The following SMYD3 variants were observed in gnomAD, a reference collection of about 807,000 sequenced individuals.
The protein encoded by SMYD3 is SET and MYND domain containing 3.
A neutral mutation model predicts 57.7 loss-of-function variants in SMYD3; 36 were observed. The ratio of observed to expected loss-of-function variants is 0.62; its 90% CI spans 0.48 to 0.82. The LOEUF (loss-of-function observed/expected upper bound fraction) is 0.82, where lower values mean the gene tolerates loss of function less well. SMYD3 is among the 40% of genes least tolerant of loss of function. The pLI, the probability that SMYD3 is intolerant of heterozygous loss-of-function variation, is 0.00. For missense variants in SMYD3, 515 were observed against 538.8 expected, an observed-to-expected ratio of 0.96 and a Z score of 0.44; for synonymous variants, 211 against 195.0, an observed-to-expected ratio of 1.08 and a Z score of -0.68.
chr1:246,289,736 A>G (rs2064648810), intron 5 of SMYD3, among the ~76,000 whole-genome samples: 1 of 152,174 alleles, frequency 6.6e-6, no homozygotes, highest in South Asian at 2.1e-4. Context: ...GCTAGTGGCT[A>G]GAGGAGATTT....
At chr1:246,442,550 A>G (rs1323899102) in intron 1 of SMYD3, among the ~76,000 whole-genome samples, 1 of 151,756 alleles carries the variant, frequency 6.6e-6, no homozygotes, top group East Asian at 1.9e-4. Flanking sequence ...CCCCTTCTCA[A>G]AAAAAAATAA....
intron 10 of SMYD3, among the ~76,000 whole-genome samples, chr1:245,782,812 G>C (rs978311673): frequency 6.6e-6 from 1 of 152,196 alleles, no homozygotes; most frequent in African/African-American, 2.4e-5. Flanking sequence ...AGTCTAGAAA[G>C]AGACTACCTA....
chr1:246,326,608 A>G (rs2065357007), intron 5 of SMYD3, among the ~76,000 whole-genome samples: 2 of 32,472 alleles, frequency 6.2e-5, no homozygotes, highest in African/African-American at 1.6e-4. Flanking sequence ...AAAAAAAAAA[A>G]CAAAATTTAG....
chr1:245,917,795 G>T (rs941534465), intron 7 of SMYD3, among the ~76,000 whole-genome samples: 2 of 152,158 alleles, frequency 1.3e-5, no homozygotes, highest in Admixed American at 6.5e-5. Flanking sequence ...ATGTGTGGTG[G>T]GGGGAGAAGT....
At chr1:245,855,923 G>A (rs1558425833) in intron 10 of SMYD3, among the ~76,000 whole-genome samples, 1 of 152,220 alleles carries the variant, frequency 6.6e-6, no homozygotes, top group South Asian at 2.1e-4. Context: ...TACAGCAGAT[G>A]GCAATGCAAT....
chr1:245,749,432 A>G lies in SMYD3; in HGVS notation c.*131T>C. On this transcript the variant is annotated 3_prime_UTR_variant, in exon 12 of 12. Transcript: ENST00000490107. ...TGGTTTGCAAACCATGTCTGCCTTTATTTACCTACACAAACACGGAACAGA... is the reference window on the plus strand; with the variant it reads ...TGGTTTGCAAACCATGTCTGCCTTTGTTTACCTACACAAACACGGAACAGA... The G allele has an allele frequency of 1.6e-6, 1 of 634,972 alleles. No homozygotes were observed. The highest frequency in any genetic ancestry group is 2.7e-6 in the Non-Finnish European group (1 of 368,526). The allele number at this position is 634,972 out of a possible 1,614,324, so 39.3% of individuals were successfully genotyped here.
intron 10 of SMYD3, among the ~76,000 whole-genome samples, chr1:245,792,543 T>G (rs957903343): frequency 1.3e-5 from 2 of 152,138 alleles, no homozygotes; most frequent in African/African-American, 4.8e-5. Context: ...GAAAAAAAAT[T>G]TTTTTATTCC....
chr1:245,945,876 C>A (rs2057412909), intron 5 of SMYD3, among the ~76,000 whole-genome samples: 1 of 152,170 alleles, frequency 6.6e-6, no homozygotes, highest in Non-Finnish European at 1.5e-5. Context: ...AACCCAAACA[C>A]CACATGTTCT....
rs371494851 is a variant in SMYD3 at position 246,395,071 on chromosome 1, T to C, written c.165-39977A>G. Among the ~76,000 whole-genome samples, 32 of 152,326 alleles carry C rather than the reference T, an allele frequency of 2.1e-4. No homozygotes were observed. The East Asian group carries it at 4.8e-3, about 23-fold the overall frequency. On this transcript the variant is annotated intron_variant, in intron 1 of 11. Transcript: ENST00000490107. ...CACTTTATGATATAAGAGAGGCTCCTGAACCTAGCTATGCTTTATGATATA... is the reference window on the plus strand; with the variant it reads ...CACTTTATGATATAAGAGAGGCTCCCGAACCTAGCTATGCTTTATGATATA...
chr1:246,258,445 G>A (rs1202850193), intron 5 of SMYD3, among the ~76,000 whole-genome samples: 1 of 151,996 alleles, frequency 6.6e-6, no homozygotes, highest in Non-Finnish European at 1.5e-5. Context: ...TGCTTGTCTG[G>A]AAAAAAATTT....
intron 5 of SMYD3, among the ~76,000 whole-genome samples, chr1:246,011,734 T>C (rs2148194346): frequency 6.6e-6 from 1 of 152,324 alleles, no homozygotes; most frequent in East Asian, 1.9e-4. Context: ...GCACTGGCTC[T>C]AGCATTAAAG....
At chr1:246,064,083 C>T (rs2060300997) in intron 5 of SMYD3, among the ~76,000 whole-genome samples, 1 of 152,174 alleles carries the variant, frequency 6.6e-6, no homozygotes, top group African/African-American at 2.4e-5. Context: ...GTCAATTTTG[C>T]TCCTGAGTAA....
chr1:245,762,354 T>C (rs1308980280), intron 11 of SMYD3, among the ~76,000 whole-genome samples: 2 of 152,230 alleles, frequency 1.3e-5, no homozygotes, highest in Admixed American at 6.5e-5. Context: ...AGGTCTAGTC[T>C]GATCACTTAC....
At chr1:245,849,442 A>G (rs1180977055) in intron 10 of SMYD3, among the ~76,000 whole-genome samples, 2 of 151,920 alleles carry the variant, frequency 1.3e-5, no homozygotes, top group Non-Finnish European at 1.5e-5. Flanking sequence ...AGATCTTCCA[A>G]CTTCCAGCAG....
intron 1 of SMYD3, among the ~76,000 whole-genome samples, chr1:246,495,348 CAAAAAA>C (rs11329443): frequency 1.7e-5 from 1 of 57,880 alleles, no homozygotes; most frequent in Admixed American, 2.5e-4. Flanking sequence ...GACTCCGTCT[CAAAAAA>C]AAAAAAAAAA....
intron 11 of SMYD3, 107 bp downstream of exon 11, chr1:245,763,929 CGTGTG>C: frequency 1.4e-6 from 1 of 733,472 alleles, no homozygotes; most frequent in East Asian, 2.6e-5. Flanking sequence ...ACTGGGCATG[CGTGTG>C]TATGCGTGCA....
intron 5 of SMYD3, among the ~76,000 whole-genome samples, chr1:246,150,006 T>C (rs889885783): frequency 1.3e-5 from 2 of 152,252 alleles, no homozygotes; most frequent in Non-Finnish European, 2.9e-5. Context: ...AATCTCTCTG[T>C]TCTTTTGCAT....
intron 5 of SMYD3, among the ~76,000 whole-genome samples, chr1:246,205,315 T>C (rs140153921): frequency 1.8e-4 from 28 of 152,352 alleles, no homozygotes; most frequent in Middle Eastern, 3.4e-3. Flanking sequence ...AGTGTTCCAA[T>C]GAAGTGCTCC....
At chr1:246,255,926 TAAGATAG>T (rs1421894658) in intron 5 of SMYD3, among the ~76,000 whole-genome samples, 1 of 97,112 alleles carries the variant, frequency 1.0e-5, no homozygotes, top group Non-Finnish European at 2.0e-5. Flanking sequence ...ACATAACTAA[TAAGATAG>T]ATAGATAGAT....
Sources: gnomAD v4.1 joint callset for allele counts (sites outside exome capture counted in the v4.1 genomes callset) on GRCh38, gnomAD v4.1.1 for gene constraint, MANE v1.5 for transcripts, NCBI Gene and HGNC (gene_info 2026-07-23, HGNC 2026-07-21) for gene names.